Variants in AK5 observed in about 807,000 individuals in gnomAD.
AK5 encodes adenylate kinase 5.
Under a neutral mutation model 69.5 loss-of-function variants are expected in AK5, and 27 were observed. The ratio of observed to expected loss-of-function variants is 0.39; its 90% CI spans 0.29 to 0.54. The LOEUF is 0.54. Among genes scored for constraint, AK5 ranks in the 20% least tolerant of loss-of-function variants. The pLI is 0.71. For synonymous variants in AK5, 260 were observed against 244.4 expected, an observed-to-expected ratio of 1.06 and a Z score of -0.60; for missense variants, 531 against 700.4, an observed-to-expected ratio of 0.76 and a Z score of 2.73.
chr1:77,307,289 G>T (rs1277264115), intron 5 of AK5, among the ~76,000 whole-genome samples: 1 of 150,500 alleles, frequency 6.6e-6, no homozygotes, highest in Non-Finnish European at 1.5e-5. Context: ...ATTTTGGTAT[G>T]TTTTGTTTTC....
intron 10 of AK5, among the ~76,000 whole-genome samples, chr1:77,491,812 T>TA (rs2100738515): frequency 6.6e-6 from 1 of 152,348 alleles, no homozygotes; most frequent in Non-Finnish European, 1.5e-5. Context: ...TGAATGCTCC[T>TA]ATCCATCTTC....
chr1:77,369,609 C>T (rs1647082095), intron 6 of AK5, among the ~76,000 whole-genome samples: 1 of 152,002 alleles, frequency 6.6e-6, no homozygotes, highest in Non-Finnish European at 1.5e-5. Context: ...TTAATTATGG[C>T]CTCTTTATAT....
intron 12 of AK5, among the ~76,000 whole-genome samples, chr1:77,525,563 C>T (rs1396258092): frequency 6.6e-6 from 1 of 152,108 alleles, no homozygotes; most frequent in Non-Finnish European, 1.5e-5. Flanking sequence ...ATAATCACAT[C>T]TTCCATGAAC....
chr1:77,388,798 A>G (rs1648213190), intron 6 of AK5, among the ~76,000 whole-genome samples: 1 of 152,042 alleles, frequency 6.6e-6, no homozygotes. Context: ...CCACTTGGCC[A>G]AAAGGAGAAT....
intron 13 of AK5, among the ~76,000 whole-genome samples, chr1:77,555,906 A>G (rs1374317349): frequency 1.3e-5 from 2 of 152,248 alleles, no homozygotes; most frequent in African/African-American, 4.8e-5. Context: ...TGAAAGGAAA[A>G]GAAGAAAGAA....
chr1:77,417,624 CT>C lies in AK5; in HGVS notation c.983-12del, dbSNP rs1435540247. 6.4e-7 allele frequency: 1 copy of C among 1,566,512 alleles called. No individual in the cohort carries two copies. The highest frequency in any genetic ancestry group is 1.1e-5 in the South Asian group (1 of 89,486). ...GACAACCTCCATCCACTTATCTTTT[CT>C]TTCCTAATCTTAGGTTCAAGTGACC... On this transcript the variant is annotated splice_polypyrimidine_tract_variant and intron_variant, in intron 7 of 13. Transcript: ENST00000354567.
At position 77,483,304 on chromosome 1, in the gene AK5, A is replaced by AT. The variant is rs760230269; in HGVS notation, c.1060-6dup. ...GCTGTTATTATTATCTAATATTGTG[A>AT]TTTTTTTAACAGGGTGATGACCAGT... On this transcript the variant is annotated splice_polypyrimidine_tract_variant and intron_variant, in intron 8 of 13. Coordinates refer to ENST00000354567, the MANE Select transcript of AK5 (RefSeq NM_174858.3). 37 of 1,606,042 alleles carry AT rather than the reference A, an allele frequency of 2.3e-5. No homozygotes were observed. The highest frequency in any genetic ancestry group is 4.5e-5 in the East Asian group (2 of 44,840).
At chr1:77,399,941 G>C (rs1211216478) in intron 6 of AK5, among the ~76,000 whole-genome samples, 1 of 152,208 alleles carries the variant, frequency 6.6e-6, no homozygotes, top group Non-Finnish European at 1.5e-5. Context: ...GAGTTGGGAA[G>C]TCATCTGCCT....
At chr1:77,371,234 C>A (rs963131862) in intron 6 of AK5, 5 of 152,270 alleles carry the variant, frequency 3.3e-5, no homozygotes, top group African/African-American at 1.2e-4. Context: ...CCCTTCTTGG[C>A]ACCATTTAGC....
intron 10 of AK5, among the ~76,000 whole-genome samples, chr1:77,510,610 C>T (rs528814452): frequency 2.6e-5 from 4 of 151,880 alleles, no homozygotes; most frequent in South Asian, 2.1e-4. Flanking sequence ...TAGGGAGAAC[C>T]GAGCTGATGT....
intron 7 of AK5, among the ~76,000 whole-genome samples, chr1:77,411,761 G>C (rs1650059771): frequency 6.6e-6 from 1 of 152,096 alleles, no homozygotes; most frequent in Non-Finnish European, 1.5e-5. Context: ...AAGACCAAAA[G>C]CTTGGGGCCA....
chr1:77,376,463 A>C (rs976308011), intron 6 of AK5, among the ~76,000 whole-genome samples: 3 of 133,276 alleles, frequency 2.3e-5, no homozygotes, highest in African/African-American at 8.1e-5. Context: ...AAAAAAAAAA[A>C]CATGTCTTAC....
chr1:77,517,489 CG>C (rs1241284724), intron 10 of AK5, among the ~76,000 whole-genome samples: 1 of 152,126 alleles, frequency 6.6e-6, no homozygotes, highest in Admixed American at 6.6e-5. Context: ...TCTGCTTCCT[CG>C]TCTGTAAAAT....
chr1:77,475,195 A>ATATATATATATATATG (rs1182380859), intron 8 of AK5, among the ~76,000 whole-genome samples: 2 of 29,158 alleles, frequency 6.9e-5, no homozygotes, highest in African/African-American at 1.6e-4. Context: ...ATATATATAT[A>ATATATATATATATATG]TGTGTGTGTG....
intron 8 of AK5, among the ~76,000 whole-genome samples, chr1:77,441,637 T>G (rs377128694): frequency 1.3e-5 from 2 of 152,208 alleles, no homozygotes; most frequent in East Asian, 3.8e-4. Context: ...TGGCAGTGTT[T>G]ATTGTTAATA....
chr1:77,341,804 A>G (rs1254422218), intron 6 of AK5, among the ~76,000 whole-genome samples: 5 of 152,234 alleles, frequency 3.3e-5, no homozygotes. Context: ...ATTTTGATCT[A>G]AAGCAGGCAT....
chr1:77,357,316 A>G (rs1190467584), intron 6 of AK5, among the ~76,000 whole-genome samples: 1 of 152,196 alleles, frequency 6.6e-6, no homozygotes, highest in East Asian at 1.9e-4. Flanking sequence ...AATCTCTCTA[A>G]GATGAAATGT....
At chr1:77,406,149 GA>G (rs1294450758) in intron 6 of AK5, among the ~76,000 whole-genome samples, 1 of 152,166 alleles carries the variant, frequency 6.6e-6, no homozygotes, top group Non-Finnish European at 1.5e-5. Flanking sequence ...ATGTAGATGT[GA>G]AAAGCAGTGC....
intron 6 of AK5, among the ~76,000 whole-genome samples, chr1:77,387,724 T>A (rs1023396099): frequency 2.0e-5 from 3 of 152,192 alleles, no homozygotes; most frequent in Non-Finnish European, 4.4e-5. Flanking sequence ...GAAAACATAC[T>A]CCAAGTGATG....
Sources: gnomAD v4.1 joint callset for allele counts (sites outside exome capture counted in the v4.1 genomes callset) on GRCh38, gnomAD v4.1.1 for gene constraint, MANE v1.5 for transcripts, NCBI Gene and HGNC (gene_info 2026-07-23, HGNC 2026-07-21) for gene names.